The following EEF2K variants were observed in gnomAD, a reference collection of about 807,000 sequenced individuals.
EEF2K encodes eukaryotic elongation factor 2 kinase.
EEF2K carries 70 observed loss-of-function variants against 93.8 expected under a neutral mutation model. The ratio of observed to expected loss-of-function variants is 0.75; its 90% CI spans 0.62 to 0.91. The LOEUF is 0.91. Ranked by LOEUF, EEF2K falls within the 40% of genes least tolerant of loss-of-function variation. The probability of loss-of-function intolerance (pLI) is 0.00; values close to 1 mark genes in which losing one functional copy is unlikely to be tolerated. For synonymous variants in EEF2K, 376 were observed against 380.8 expected (o/e 0.99, Z 0.15); for missense variants, 935 against 972.9 (o/e 0.96, Z 0.52).
At position 22,273,491 on chromosome 16, in the gene EEF2K, T is replaced by G. The variant is rs573823395; in HGVS notation, c.1765-135T>G. 5 of 1,307,996 alleles carry G rather than the reference T, an allele frequency of 3.8e-6. No individual in the cohort carries two copies. The South Asian group carries it at 7.1e-5, about 19-fold the overall frequency. 81.0% of individuals were successfully genotyped at this position (1,307,996 alleles called of 1,614,324 possible). On this transcript the variant is annotated intron_variant, in intron 15 of 17. Coordinates refer to ENST00000263026, the MANE Select transcript of EEF2K (RefSeq NM_013302.5). ...CAAGCCTCTGGAGTCAAGTGCCCCCTCCTATCTCACTTCTATAGCCTCCCA... is the reference window on the plus strand; with the variant it reads ...CAAGCCTCTGGAGTCAAGTGCCCCCGCCTATCTCACTTCTATAGCCTCCCA...
intron 2 of EEF2K, among the ~76,000 whole-genome samples, chr16:22,234,922 C>T (rs1297889180): frequency 3.6e-5 from 5 of 138,480 alleles, no homozygotes; most frequent in Non-Finnish European, 7.6e-5. Flanking sequence ...ACTCTGTTGC[C>T]CCTGCTGGAG....
intron 16 of EEF2K, among the ~76,000 whole-genome samples, chr16:22,274,664 G>A (rs567374990): frequency 3.3e-5 from 5 of 152,202 alleles, no homozygotes; most frequent in Admixed American, 6.5e-5. Context: ...CTGGAGGACA[G>A]TGGTGCCATC....
rs747843417 is a variant in EEF2K, at chr16:22,266,551, C to T, written c.1575+27C>T. ...TATCGGCGATGCCCATTTTGGAGCC[C>T]TGTCTGCACTAACCTGGAGCCCCCC... On this transcript the variant is annotated intron_variant, in intron 14 of 17. Transcript: ENST00000263026. 3.7e-6 allele frequency: 6 copies of T among 1,612,938 alleles called. No individual in the cohort carries two copies. In the African/African-American group the frequency reaches 8.0e-5, roughly 22 times the overall value.
At position 22,257,366 on chromosome 16, in the gene EEF2K, C is replaced by T. The variant is rs2047413447; in HGVS notation, c.882C>T (p.Asp294=). ...AGATCCACACGGAGACGGGCACTGA[C>T]TTTGGAGACGGCAACCTAGGTACGT... ...DPQIHTETGT[D]FGDGNLGVRG... is the part of the protein sequence containing the mutation. Residue 294 remains aspartate, a synonymous_variant, in exon 8 of 18, where the codon GAC becomes GAT. Transcript: ENST00000263026. 5.0e-6 allele frequency: 8 copies of T among 1,613,724 alleles called. No individual in the cohort carries two copies. Among genetic ancestry groups the T allele is most frequent in the Non-Finnish European group, 6.8e-6 (8 of 1,179,910 alleles).
chr16:22,259,671 A>G (rs2047443029), intron 10 of EEF2K, among the ~76,000 whole-genome samples: 1 of 152,314 alleles, frequency 6.6e-6, no homozygotes, highest in East Asian at 1.9e-4. Flanking sequence ...CTTACAAACT[A>G]TAAAAACAGA....
chr16:22,217,152 C>A lies in EEF2K; in HGVS notation c.-76-8502C>A, dbSNP rs1225936111. Among the ~76,000 whole-genome samples, 25 of 119,626 alleles carry A rather than the reference C, an allele frequency of 2.1e-4. No individual in the cohort carries two copies. In the East Asian group the frequency reaches 6.6e-3, roughly 32 times the overall value. The allele number at this position is 119,626 out of a possible 152,430, so 78.5% of individuals were successfully genotyped here. A position where few individuals can be genotyped will look rare whatever the true frequency, so the allele number is the denominator to read the frequency against. On this transcript the variant is annotated intron_variant, in intron 1 of 17. Transcript: ENST00000263026. Reference sequence around the variant, plus strand: ...CTCCAGCCTGGGTGACAGAGCAAGACCCTGTCTCAAAAAAAAAAAAAAAAA... The same window carrying A: ...CTCCAGCCTGGGTGACAGAGCAAGAACCTGTCTCAAAAAAAAAAAAAAAAA...
intron 2 of EEF2K, among the ~76,000 whole-genome samples, chr16:22,230,562 C>T (rs2047105552): frequency 6.6e-6 from 1 of 152,058 alleles, no homozygotes. Flanking sequence ...TACTCTGTCA[C>T]CCAGGCTGGA....
At chr16:22,255,494 A>G (rs2047390043) in intron 6 of EEF2K, among the ~76,000 whole-genome samples, 1 of 152,162 alleles carries the variant, frequency 6.6e-6, no homozygotes, top group Non-Finnish European at 1.5e-5. Context: ...CATCATTGCA[A>G]TGCTCACTTC....
At position 22,267,012 on chromosome 16, in the gene EEF2K, C is replaced by T. The variant is rs552862480; in HGVS notation, c.1764+136C>T. On this transcript the variant is annotated intron_variant, in intron 15 of 17. Coordinates refer to ENST00000263026, the MANE Select transcript of EEF2K (RefSeq NM_013302.5). The stretch of plus-strand genomic sequence containing the variant: ...GTTTATGCATGCCACAAAAATGTCC[C>T]AGGCACTGGTTTGGGGGCAGGCCCC... 3.6e-6 allele frequency: 4 copies of T among 1,114,898 alleles called. No individual in the cohort carries two copies. In the East Asian group the frequency reaches 8.0e-5, roughly 22 times the overall value. The allele number at this position is 1,114,898 out of a possible 1,614,324, so 69.1% of individuals were successfully genotyped here.
chr16:22,282,067 C>T (rs1226497262), intron 17 of EEF2K, among the ~76,000 whole-genome samples: 2 of 152,044 alleles, frequency 1.3e-5, no homozygotes, highest in Admixed American at 6.6e-5. Flanking sequence ...TCAAGACCAG[C>T]CTGGGCAACA....
At chr16:22,211,287 G>T (rs2046911034) in intron 1 of EEF2K, among the ~76,000 whole-genome samples, 1 of 152,172 alleles carries the variant, frequency 6.6e-6, no homozygotes, top group Admixed American at 6.5e-5. Context: ...GCAGGGCCAG[G>T]ACTTGAATTC....
chr16:22,270,123 C>CTT (rs879665459), intron 15 of EEF2K, among the ~76,000 whole-genome samples: 1 of 144,444 alleles, frequency 6.9e-6, no homozygotes, highest in Non-Finnish European at 1.5e-5. Flanking sequence ...AACCCGGCTA[C>CTT]TTTTTTTTTT....
intron 10 of EEF2K, 102 bp downstream of exon 10, chr16:22,258,797 GA>G: frequency 6.7e-7 from 1 of 1,497,102 alleles, no homozygotes; most frequent in Non-Finnish European, 9.1e-7. Flanking sequence ...CATGCTAATC[GA>G]AAAGGTTCAT....
intron 2 of EEF2K, among the ~76,000 whole-genome samples, chr16:22,240,701 T>G (rs1367625565): frequency 6.6e-6 from 1 of 152,194 alleles, no homozygotes; most frequent in African/African-American, 2.4e-5. Context: ...TCCAAGATCT[T>G]ACATTAAGAA....
At position 22,287,513 on chromosome 16, in the gene EEF2K, T is replaced by A. The variant is rs1049893178; in HGVS notation, c.*3517T>A. Reference sequence around the variant, plus strand: ...ATGGAGAAACCGAGGTTCTGCCAGCTAGATTTTTTTTCACAGTGTCACTGC... The same window carrying A: ...ATGGAGAAACCGAGGTTCTGCCAGCAAGATTTTTTTTCACAGTGTCACTGC... On this transcript the variant is annotated 3_prime_UTR_variant, in exon 18 of 18. Coordinates refer to ENST00000263026, the MANE Select transcript of EEF2K (RefSeq NM_013302.5). The A allele has an allele frequency of 6.6e-6, 1 of 152,208 alleles. No homozygotes were observed. Among genetic ancestry groups the A allele is most frequent in the Admixed American group, 6.5e-5 (1 of 15,280 alleles). 9.4% of individuals were successfully genotyped at this position (152,208 alleles called of 1,614,324 possible).
intron 2 of EEF2K, among the ~76,000 whole-genome samples, chr16:22,243,922 CAAA>C (rs1011054825): frequency 1.5e-4 from 9 of 61,982 alleles, no homozygotes; most frequent in Non-Finnish European, 1.5e-4. Flanking sequence ...GACCCTGTCT[CAAA>C]AAAAAAAAAA....
chr16:22,212,552 C>T (rs1356063896), intron 1 of EEF2K, among the ~76,000 whole-genome samples: 1 of 152,076 alleles, frequency 6.6e-6, no homozygotes, highest in African/African-American at 2.4e-5. Context: ...AAACTCCTGA[C>T]CTCGTGATCC....
chr16:22,219,021 T>G (rs1354243827), intron 1 of EEF2K, among the ~76,000 whole-genome samples: 3 of 119,134 alleles, frequency 2.5e-5, no homozygotes, highest in African/African-American at 4.0e-5. Flanking sequence ...TAGAGAAAGC[T>G]TTCAAGAAAA....
At chr16:22,246,688 CT>C (rs1171968742) in intron 3 of EEF2K, among the ~76,000 whole-genome samples, 2 of 151,994 alleles carry the variant, frequency 1.3e-5, no homozygotes, top group Non-Finnish European at 2.9e-5. Context: ...TAGCCCCTCT[CT>C]GATCATCTCC....
Sources: allele counts gnomAD v4.1 joint callset (sites outside exome capture counted in the v4.1 genomes callset), GRCh38; gene constraint gnomAD v4.1.1; transcripts MANE v1.5; gene names NCBI Gene and HGNC (gene_info 2026-07-23, HGNC 2026-07-21).